The following IGF1 variants were observed in gnomAD, a reference collection of about 807,000 sequenced individuals.
IGF1 encodes the protein insulin like growth factor 1, also known as insulin-like growth factor 1.
Under a neutral mutation model 13.8 loss-of-function variants are expected in IGF1, and 4 were observed. The ratio of observed to expected loss-of-function variants is 0.29; its 90% CI spans 0.14 to 0.66. The LOEUF (loss-of-function observed/expected upper bound fraction) is 0.66, where lower values mean the gene tolerates loss of function less well. Among genes scored for constraint, IGF1 ranks in the 30% least tolerant of loss-of-function variants. The pLI, the probability that IGF1 is intolerant of heterozygous loss-of-function variation, is 0.78. For synonymous variants in IGF1, 76 were observed against 72.6 expected (o/e 1.05, Z -0.23); for missense variants, 124 against 188.5 (o/e 0.66, Z 2.00).
At chr12:102,479,043 A>T (rs1461587405) in intron 1 of IGF1, among the ~76,000 whole-genome samples, 1 of 152,214 alleles carries the variant, frequency 6.6e-6, no homozygotes, top group Admixed American at 6.5e-5. Context: ...ATTTGGAAAC[A>T]ATTTTCTTAA....
At chr12:102,423,360 G>T (rs539013459) in intron 2 of IGF1, among the ~76,000 whole-genome samples, 1 of 150,718 alleles carries the variant, frequency 6.6e-6, no homozygotes, top group East Asian at 2.0e-4. Flanking sequence ...GCATGAGGAA[G>T]TGTTCATGCA....
chr12:102,436,262 C>T (rs1877214778), intron 2 of IGF1, among the ~76,000 whole-genome samples: 1 of 152,222 alleles, frequency 6.6e-6, no homozygotes, highest in Admixed American at 6.5e-5. Context: ...AGACAACAAG[C>T]CAGGTCTCAG....
At chr12:102,434,946 T>C (rs1877093139) in intron 2 of IGF1, among the ~76,000 whole-genome samples, 1 of 152,242 alleles carries the variant, frequency 6.6e-6, no homozygotes, top group South Asian at 2.1e-4. Flanking sequence ...AAATGTCTTC[T>C]CTGTATTTGC....
Position 102,402,419 on chromosome 12 carries a change from G to A in IGF1, c.*88C>T. On this transcript the variant is annotated 3_prime_UTR_variant, in exon 4 of 4. Transcript: ENST00000337514. ...TAAATGTTATCAAACTTATTTTTTG[G>A]TAGGTGTTCCAAAGTTTAACAGGTA... is the stretch of plus-strand genomic sequence containing the variant. 1.3e-6 allele frequency: 1 copy of A among 777,152 alleles called. No individual in the cohort carries two copies. The highest frequency in any genetic ancestry group is 1.4e-5 in the South Asian group (1 of 73,862). The allele number at this position is 777,152 out of a possible 1,614,324, so 48.1% of individuals were successfully genotyped here.
At chr12:102,477,706 A>G (rs892162958) in intron 1 of IGF1, among the ~76,000 whole-genome samples, 6 of 152,110 alleles carry the variant, frequency 3.9e-5, no homozygotes, top group African/African-American at 1.4e-4. Context: ...CCAGTTCTAG[A>G]AAGTATGTTA....
intron 2 of IGF1, among the ~76,000 whole-genome samples, chr12:102,439,856 C>T (rs1877559103): frequency 6.6e-6 from 1 of 152,156 alleles, no homozygotes; most frequent in Non-Finnish European, 1.5e-5. Flanking sequence ...TTCCTCATCT[C>T]TTCTGAGGAC....
chr12:102,418,955 C>T (rs1338035840), intron 3 of IGF1, among the ~76,000 whole-genome samples: 2 of 152,136 alleles, frequency 1.3e-5, no homozygotes, highest in African/African-American at 2.4e-5. Flanking sequence ...TTGAATAGTT[C>T]CCATTAGCCT....
intron 2 of IGF1, among the ~76,000 whole-genome samples, chr12:102,461,311 C>A (rs577510191): frequency 6.6e-6 from 1 of 152,040 alleles, no homozygotes; most frequent in Non-Finnish European, 1.5e-5. Context: ...GAATGACCCT[C>A]GTAAAGACCC....
At chr12:102,481,591 A>G (rs1226365456), upstream of IGF1, 1 of 152,110 alleles carries the variant, frequency 6.6e-6, no homozygotes, top group East Asian at 1.9e-4. Context: ...TTGAGAATTC[A>G]GTTCTGATCT....
chr12:102,422,389 G>A (rs1251163348), intron 2 of IGF1, among the ~76,000 whole-genome samples: 1 of 152,180 alleles, frequency 6.6e-6, no homozygotes, highest in East Asian at 1.9e-4. Context: ...GGGAATATAT[G>A]AATATAACAA....
intron 1 of IGF1, among the ~76,000 whole-genome samples, chr12:102,476,362 A>G (rs1189825489): frequency 6.6e-6 from 1 of 151,578 alleles, no homozygotes. Context: ...GCTTTTGACA[A>G]TACTATATAT....
chr12:102,420,132 A>G (rs181380195), intron 2 of IGF1, among the ~76,000 whole-genome samples: 1 of 152,334 alleles, frequency 6.6e-6, no homozygotes, highest in East Asian at 1.9e-4. Context: ...CTTTGACTAT[A>G]TAGTCAGGTT....
intron 2 of IGF1, among the ~76,000 whole-genome samples, chr12:102,456,900 A>G (rs1448667053): frequency 6.6e-6 from 1 of 152,056 alleles, no homozygotes; most frequent in Non-Finnish European, 1.5e-5. Flanking sequence ...CTCAATTCTA[A>G]CAACACTTCA....
At chr12:102,436,184 C>G (rs1592776572) in intron 2 of IGF1, among the ~76,000 whole-genome samples, 1 of 152,172 alleles carries the variant, frequency 6.6e-6, no homozygotes, top group Non-Finnish European at 1.5e-5. Context: ...CACATGTTGA[C>G]CTTTTTCCCT....
intron 2 of IGF1, among the ~76,000 whole-genome samples, chr12:102,427,456 A>G (rs1876309888): frequency 6.6e-6 from 1 of 152,164 alleles, no homozygotes. Flanking sequence ...CTTTATTTTT[A>G]GTTTCTCTCT....
chr12:102,409,911 G>A (rs1008176491), intron 3 of IGF1, among the ~76,000 whole-genome samples: 1 of 152,212 alleles, frequency 6.6e-6, no homozygotes, highest in African/African-American at 2.4e-5. Context: ...TGTCAAAGCA[G>A]TTTGCATGCT....
chr12:102,435,141 G>T (rs534431613), intron 2 of IGF1, among the ~76,000 whole-genome samples: 17 of 152,292 alleles, frequency 1.1e-4, no homozygotes, highest in Non-Finnish European at 2.2e-4. Context: ...AAAGTGCATA[G>T]GTTACATGCA....
At chr12:102,404,763 G>GTTT (rs5800510) in intron 3 of IGF1, among the ~76,000 whole-genome samples, 12 of 144,994 alleles carry the variant, frequency 8.3e-5, no homozygotes, top group East Asian at 2.0e-4. Context: ...TTTTTTTGTT[G>GTTT]TTTTTTTTTT....
chr12:102,411,229 A>G (rs1265950233), intron 3 of IGF1, among the ~76,000 whole-genome samples: 3 of 152,190 alleles, frequency 2.0e-5, no homozygotes, highest in African/African-American at 7.2e-5. Context: ...GTGCCTCACA[A>G]GCTAGTCAAG....
Sources: allele counts gnomAD v4.1 joint callset (sites outside exome capture counted in the v4.1 genomes callset), GRCh38; gene constraint gnomAD v4.1.1; transcripts MANE v1.5; gene names NCBI Gene and HGNC (gene_info 2026-07-23, HGNC 2026-07-21).